The following CDK15 variants were observed in gnomAD, a reference collection of about 807,000 sequenced individuals.
The protein encoded by CDK15 is cyclin dependent kinase 15.
CDK15 carries 62 observed loss-of-function variants against 60.3 expected under a neutral mutation model. The ratio of observed to expected loss-of-function variants is 1.03; its 90% confidence interval spans 0.84 to 1.27. CDK15 has a LOEUF of 1.27. Among genes scored for constraint, CDK15 ranks in the 50% most tolerant of loss-of-function variants. The pLI, the probability that CDK15 is intolerant of heterozygous loss-of-function variation, is 0.00. For missense variants in CDK15, 541 were observed against 527.8 expected (o/e 1.03, Z -0.25); for synonymous variants, 194 against 195.7 (o/e 0.99, Z 0.07).
intron 13 of CDK15, among the ~76,000 whole-genome samples, chr2:201,891,608 C>G (rs1056980280): frequency 2.0e-5 from 3 of 152,052 alleles, no homozygotes; most frequent in African/African-American, 7.2e-5. Context: ...AAGGATTTTC[C>G]CAAACCCACC....
In CDK15 at chr2:201,816,459, T is replaced by G. The variant is rs376642922; in HGVS notation, c.448+3897T>G. 8.6e-3 allele frequency among the ~76,000 whole-genome samples: 232 copies of G among 27,086 alleles called. 1 individual carries two copies. Among genetic ancestry groups the G allele is most frequent in the African/African-American group, 0.017 (211 of 12,488 alleles). The allele number at this position is 27,086 out of a possible 152,430, so 17.8% of individuals were successfully genotyped here. A position where few individuals can be genotyped will look rare whatever the true frequency, so the allele number is the denominator to read the frequency against. On this transcript the variant is annotated intron_variant, in intron 4 of 13. Coordinates refer to ENST00000652192, the MANE Select transcript of CDK15 (RefSeq NM_001366386.2). The stretch of plus-strand genomic sequence containing the variant: ...CATGTTGCTGCTAAGGAAATGGTTT[T>G]TTTTTTTTTTTTTTTTTTTTGTGGC...
intron 11 of CDK15, 36 bp downstream of exon 11, chr2:201,872,362 C>A: frequency 1.2e-6 from 2 of 1,603,520 alleles, no homozygotes; most frequent in Non-Finnish European, 1.7e-6. Flanking sequence ...TTTAAGGGAT[C>A]TTTAAGCAGG....
chr2:201,870,273 G>C (rs1698802983), intron 10 of CDK15, among the ~76,000 whole-genome samples: 1 of 152,194 alleles, frequency 6.6e-6, no homozygotes, highest in African/African-American at 2.4e-5. Context: ...CTAGTGAGTA[G>C]TCTTCCAGAT....
At chr2:201,810,662 G>A (rs1695715648) in intron 3 of CDK15, among the ~76,000 whole-genome samples, 1 of 152,042 alleles carries the variant, frequency 6.6e-6, no homozygotes, top group South Asian at 2.1e-4. Context: ...AAGAGGTACA[G>A]CATAACTCTC....
intron 6 of CDK15, among the ~76,000 whole-genome samples, chr2:201,829,795 T>A (rs1392197770): frequency 1.3e-5 from 2 of 151,656 alleles, no homozygotes; most frequent in African/African-American, 2.4e-5. Flanking sequence ...TTTTATTTTT[T>A]AATTTTATTT....
chr2:201,864,606 A>C (rs928403046), intron 10 of CDK15, among the ~76,000 whole-genome samples: 1 of 152,162 alleles, frequency 6.6e-6, no homozygotes. Context: ...GGCATAAGCC[A>C]CCGTGCCTGC....
At chr2:201,813,353 T>C (rs1375879713) in intron 4 of CDK15, among the ~76,000 whole-genome samples, 2 of 152,192 alleles carry the variant, frequency 1.3e-5, no homozygotes, top group Admixed American at 1.3e-4. Flanking sequence ...CATAGTGAAA[T>C]GAATCATTAA....
intron 1 of CDK15, 38 bp from the exon 2 acceptor site, chr2:201,807,456 T>C: frequency 1.3e-6 from 2 of 1,595,088 alleles, no homozygotes; most frequent in East Asian, 2.2e-5. Context: ...ATCTTTACTT[T>C]GCATAAATTT....
chr2:201,834,109 A>G lies in CDK15; in HGVS notation c.730+138A>G, dbSNP rs376407863. 3.5e-4 allele frequency: 383 copies of G among 1,086,146 alleles called. 2 individuals are homozygous for G. In the African/African-American group the frequency reaches 4.7e-3, roughly 13 times the overall value. 67.3% of individuals were successfully genotyped at this position (1,086,146 alleles called of 1,614,324 possible). A position where few individuals can be genotyped will look rare whatever the true frequency, so the allele number is the denominator to read the frequency against. The stretch of plus-strand genomic sequence containing the variant: ...TGCTTTGTGAGGATATCAAACTACC[A>G]CAAAGGAAGTGTGAGGCACGAAACA... On this transcript the variant is annotated intron_variant, in intron 7 of 13. Transcript: ENST00000652192.
In CDK15 at chr2:201,890,798, TAC is replaced by T; in HGVS notation, c.1214_1215del (p.Thr405SerfsTer12). ...YQLPDEESLF[T>X]VSGVRLKPEM... ...TCATTCCTACAGAGGAGTCTTTGTT[TAC>T]AGTTTCAGGAGTGAGGCTAAAGCCA... On this transcript the variant is annotated frameshift_variant, in exon 13 of 14. Coordinates refer to ENST00000652192, the MANE Select transcript of CDK15 (RefSeq NM_001366386.2). LOFTEE classifies it high-confidence loss of function. The T allele has an allele frequency of 6.2e-7, 1 of 1,612,068 alleles. No individual in the cohort carries two copies. The highest frequency in any genetic ancestry group is 8.5e-7 in the Non-Finnish European group (1 of 1,178,840).
chr2:201,837,674 C>A (rs1333420723), intron 8 of CDK15, among the ~76,000 whole-genome samples: 1 of 152,076 alleles, frequency 6.6e-6, no homozygotes, highest in Non-Finnish European at 1.5e-5. Context: ...ACTTCCCAGT[C>A]ATTTGGGGGC....
Position 201,806,545 on chromosome 2 carries a change from C to T in CDK15, c.-120C>T. The T allele has an allele frequency of 4.2e-6, 5 of 1,181,568 alleles. No individual in the cohort carries two copies. The highest frequency in any genetic ancestry group is 5.6e-6 in the Non-Finnish European group (5 of 886,184). The allele number at this position is 1,181,568 out of a possible 1,614,324, so 73.2% of individuals were successfully genotyped here. A position where few individuals can be genotyped will look rare whatever the true frequency, so the allele number is the denominator to read the frequency against. ...GTGAGGCTGCTCCAGGCAGAGCCAT[C>T]ATGTGAGTCATATGAAAGCTCCACG... On this transcript the variant is annotated 5_prime_UTR_variant, in exon 1 of 14. Transcript: ENST00000652192.
chr2:201,862,819 A>T (rs754756945), intron 10 of CDK15, among the ~76,000 whole-genome samples: 1 of 152,226 alleles, frequency 6.6e-6, no homozygotes, highest in Non-Finnish European at 1.5e-5. Flanking sequence ...AAGGGCAGAT[A>T]TAATGATTTG....
chr2:201,833,445 A>G (rs1360767328), intron 6 of CDK15, among the ~76,000 whole-genome samples: 1 of 152,150 alleles, frequency 6.6e-6, no homozygotes, highest in Non-Finnish European at 1.5e-5. Flanking sequence ...AAACTTTAGA[A>G]TATCATTTCC....
chr2:201,838,306 T>G (rs1270383866), intron 8 of CDK15, among the ~76,000 whole-genome samples: 1 of 152,142 alleles, frequency 6.6e-6, no homozygotes, highest in East Asian at 1.9e-4. Context: ...CCAGGGATAC[T>G]GCTAAACATC....
intron 6 of CDK15, among the ~76,000 whole-genome samples, chr2:201,825,628 A>G (rs1249040857): frequency 1.3e-5 from 2 of 152,246 alleles, no homozygotes; most frequent in Non-Finnish European, 2.9e-5. Context: ...CCATTACATT[A>G]TCTGCACCAT....
intron 5 of CDK15, 43 bp from the exon 6 acceptor site, chr2:201,823,622 C>T (rs780293255): frequency 1.3e-6 from 2 of 1,535,376 alleles, no homozygotes; most frequent in Non-Finnish European, 9.0e-7. Context: ...TATCTAAGCA[C>T]CACTAAATTC....
At chr2:201,888,378 T>C (rs1699534142) in intron 12 of CDK15, 1 of 1,501,614 alleles carries the variant, frequency 6.7e-7, no homozygotes, top group African/African-American at 1.4e-5. Flanking sequence ...TAAATAAACT[T>C]GTCCTGCCGA....
chr2:201,807,598 C>G lies in CDK15; in HGVS notation c.228C>G (p.Asn76Lys). 1 of 1,614,142 alleles carries G rather than the reference C, an allele frequency of 6.2e-7. No individual in the cohort carries two copies. The highest frequency in any genetic ancestry group is 8.5e-7 in the Non-Finnish European group (1 of 1,180,038). The change falls in exon 2 of 14, where the codon AAC (asparagine) becomes AAG (lysine). Residue 76 changes from asparagine to lysine, a missense_variant. Coordinates refer to ENST00000652192, the MANE Select transcript of CDK15 (RefSeq NM_001366386.2). ...QKFKSKRPRS[N>K]SDCFQEEDLR... ...TCAAGAGTAAAAGGCCACGGAGTAA[C>G]AGTGATTGTTTTCAGGAAGAGGATC...
Sources: allele counts gnomAD v4.1 joint callset (sites outside exome capture counted in the v4.1 genomes callset), GRCh38; gene constraint gnomAD v4.1.1; transcripts MANE v1.5; gene names NCBI Gene and HGNC (gene_info 2026-07-23, HGNC 2026-07-21).